Variants in SCFD2 observed in about 807,000 individuals in gnomAD.
SCFD2 encodes sec1 family domain containing 2.
SCFD2 carries 54 observed loss-of-function variants against 58.9 expected under a neutral mutation model. That is an observed-to-expected ratio of 0.92 (90% CI 0.74 to 1.15). The LOEUF (loss-of-function observed/expected upper bound fraction) is 1.15, where lower values mean the gene tolerates loss of function less well. Among genes scored for constraint, SCFD2 ranks in the 50% most tolerant of loss-of-function variants. SCFD2 has a pLI of 0.00. For synonymous variants in SCFD2, 321 were observed against 335.9 expected (o/e 0.96, Z 0.49); for missense variants, 805 against 836.6 (o/e 0.96, Z 0.47).
At chr4:53,309,692 G>A (rs1732630016) in intron 3 of SCFD2, among the ~76,000 whole-genome samples, 1 of 152,168 alleles carries the variant, frequency 6.6e-6, no homozygotes, top group Admixed American at 6.5e-5. Flanking sequence ...AAAGATGAGT[G>A]AAGTGGAAAG....
intron 2 of SCFD2, among the ~76,000 whole-genome samples, chr4:53,333,755 C>A (rs1733579488): frequency 8.0e-6 from 1 of 125,678 alleles, no homozygotes. Context: ...CAAATGGGAT[C>A]TAATTAAACT....
At chr4:53,070,387 C>T (rs2898682) in intron 5 of SCFD2, among the ~76,000 whole-genome samples, 147,166 of 152,192 alleles carry the variant, frequency 0.97, 71,326 homozygotes, top group Middle Eastern at 1. Flanking sequence ...CACTAGGCTT[C>T]ATTAAATTGA....
chr4:53,284,946 G>A (rs1263707347), intron 3 of SCFD2, among the ~76,000 whole-genome samples: 1 of 152,120 alleles, frequency 6.6e-6, no homozygotes, highest in East Asian at 1.9e-4. Context: ...ATAGGTTTCT[G>A]GTTACACAAT....
intron 3 of SCFD2, among the ~76,000 whole-genome samples, chr4:53,310,187 C>T (rs1447361328): frequency 6.6e-6 from 1 of 152,140 alleles, no homozygotes; most frequent in East Asian, 1.9e-4. Context: ...ATGAGCCAGA[C>T]TGCACTACAT....
chr4:53,116,710 A>G (rs1486140720), intron 5 of SCFD2, among the ~76,000 whole-genome samples: 1 of 152,228 alleles, frequency 6.6e-6, no homozygotes, highest in African/African-American at 2.4e-5. Flanking sequence ...GGTTTTGTGA[A>G]CCAATAAATA....
chr4:53,235,945 A>G (rs1341664982), intron 4 of SCFD2, among the ~76,000 whole-genome samples: 1 of 152,226 alleles, frequency 6.6e-6, no homozygotes, highest in Non-Finnish European at 1.5e-5. Flanking sequence ...TGAGGAGGAT[A>G]AAAAAGCAAA....
At position 53,345,786 on chromosome 4, in the gene SCFD2, T is replaced by C. The variant is rs527378960; in HGVS notation, c.1007+6812A>G. On this transcript the variant is annotated intron_variant, in intron 2 of 8. Coordinates refer to ENST00000401642, the MANE Select transcript of SCFD2 (RefSeq NM_152540.4). ...GCATCCATAAAAAAGGGTGAGTTCA[T>C]GTCCTTTTCAGGGACATGGATAAAG... 3.0e-4 allele frequency among the ~76,000 whole-genome samples: 46 copies of C among 152,352 alleles called. No individual in the cohort carries two copies. The South Asian group carries it at 9.5e-3, about 32-fold the overall frequency.
intron 5 of SCFD2, among the ~76,000 whole-genome samples, chr4:52,964,627 T>C (rs547149323): frequency 2.0e-5 from 3 of 152,226 alleles, no homozygotes; most frequent in South Asian, 2.1e-4. Context: ...CAAGACAATA[T>C]AGTCAACTAC....
intron 4 of SCFD2, among the ~76,000 whole-genome samples, chr4:53,216,824 C>T (rs1391521814): frequency 6.6e-6 from 1 of 152,166 alleles, no homozygotes; most frequent in African/African-American, 2.4e-5. Flanking sequence ...TTGAATGTGT[C>T]CCAGAGATTC....
At chr4:53,066,876 T>C (rs1560320905) in intron 5 of SCFD2, among the ~76,000 whole-genome samples, 3 of 152,000 alleles carry the variant, frequency 2.0e-5, no homozygotes, top group Non-Finnish European at 4.4e-5. Flanking sequence ...TACATTTTTA[T>C]ACGTAGCAGT....
chr4:52,899,509 G>A (rs182814639), intron 7 of SCFD2, among the ~76,000 whole-genome samples: 31 of 152,246 alleles, frequency 2.0e-4, no homozygotes, highest in African/African-American at 4.1e-4. Context: ...GAGTTTCTGC[G>A]GAGAGATCTG....
intron 5 of SCFD2, among the ~76,000 whole-genome samples, chr4:53,058,563 A>T (rs1293052254): frequency 6.6e-6 from 1 of 152,194 alleles, no homozygotes; most frequent in Non-Finnish European, 1.5e-5. Flanking sequence ...GTGCACTGAC[A>T]CCAGAATCTC....
chr4:53,104,081 T>C (rs1724916531), intron 5 of SCFD2, among the ~76,000 whole-genome samples: 1 of 152,148 alleles, frequency 6.6e-6, no homozygotes, highest in Admixed American at 6.5e-5. Context: ...GTTATGTATG[T>C]ATATTGCCTT....
chr4:52,914,762 A>C (rs1180922642), intron 6 of SCFD2, among the ~76,000 whole-genome samples: 1 of 152,190 alleles, frequency 6.6e-6, no homozygotes, highest in African/African-American at 2.4e-5. Context: ...ATTTATTTTT[A>C]CACCAGTGCA....
Position 53,224,388 on chromosome 4 carries a change from C to CCAA in SCFD2, c.1311+49437_1311+49438insTTG, listed in dbSNP as rs1553888480. 1.9e-4 allele frequency among the ~76,000 whole-genome samples: 3 copies of CCAA among 15,622 alleles called. 1 individual carries two copies. Among genetic ancestry groups the CCAA allele is most frequent in the Admixed American group, 8.3e-4 (1 of 1,206 alleles). The allele number at this position is 15,622 out of a possible 152,430, so 10.2% of individuals were successfully genotyped here. ...TGGGCAACAGAGCAAGACTCCGTCT[C>CCAA]AAAAAAAAAAAAAAAAGAGTCTTAC... is the stretch of plus-strand genomic sequence containing the variant. On this transcript the variant is annotated intron_variant, in intron 4 of 8. Coordinates refer to ENST00000401642, the MANE Select transcript of SCFD2 (RefSeq NM_152540.4).
intron 5 of SCFD2, among the ~76,000 whole-genome samples, chr4:53,013,697 G>A (rs1178230807): frequency 6.6e-6 from 1 of 152,104 alleles, no homozygotes; most frequent in Non-Finnish European, 1.5e-5. Context: ...ACTTTTGCTG[G>A]AACGTCCTCT....
At chr4:53,255,061 C>T (rs1172971640) in intron 4 of SCFD2, among the ~76,000 whole-genome samples, 3 of 150,374 alleles carry the variant, frequency 2.0e-5, no homozygotes, top group Admixed American at 6.6e-5. Flanking sequence ...TTAGTAGAGA[C>T]GGGGTTTCAC....
chr4:52,992,411 C>T (rs1721632897), intron 5 of SCFD2, among the ~76,000 whole-genome samples: 1 of 152,346 alleles, frequency 6.6e-6, no homozygotes, highest in East Asian at 1.9e-4. Context: ...CCTTGGCCTC[C>T]CAAAGTGCCG....
chr4:52,873,663 G>A lies in SCFD2; in HGVS notation c.*306C>T. 1 of 216,060 alleles carries A rather than the reference G, an allele frequency of 4.6e-6. No homozygotes were observed. The highest frequency in any genetic ancestry group is 1.1e-4 in the South Asian group (1 of 9,116). The allele number at this position is 216,060 out of a possible 1,614,324, so 13.4% of individuals were successfully genotyped here. ...GCTTTTATTTAGAACTAATGAACTTGTAGGTGGAATCAGGAAGATCACAAA... is the reference window on the plus strand; with the variant it reads ...GCTTTTATTTAGAACTAATGAACTTATAGGTGGAATCAGGAAGATCACAAA... On this transcript the variant is annotated 3_prime_UTR_variant, in exon 9 of 9. Coordinates refer to ENST00000401642, the MANE Select transcript of SCFD2 (RefSeq NM_152540.4).
Sources: allele counts gnomAD v4.1 joint callset (sites outside exome capture counted in the v4.1 genomes callset), GRCh38; gene constraint gnomAD v4.1.1; transcripts MANE v1.5; gene names NCBI Gene and HGNC (gene_info 2026-07-23, HGNC 2026-07-21).